CCDC171: variants seen among roughly 807,000 people sequenced by gnomAD.
CCDC171 encodes coiled-coil domain-containing protein 171.
In CCDC171, 177 loss-of-function variants were observed where a neutral mutation model predicts 168.2. The ratio of observed to expected loss-of-function variants is 1.05; its 90% CI spans 0.93 to 1.19. The LOEUF (loss-of-function observed/expected upper bound fraction) is 1.19, where lower values mean the gene tolerates loss of function less well. CCDC171 is among the 50% of genes most tolerant of loss of function. CCDC171 has a pLI of 0.00. For missense variants in CCDC171, 1,991 were observed against 1,539.0 expected (o/e 1.29, Z -4.91); for synonymous variants, 687 against 540.8 (o/e 1.27, Z -3.75).
At chr9:16,051,318 T>C (rs1358106048) in intron 1 of CCDC171, among the ~76,000 whole-genome samples, 1 of 152,186 alleles carries the variant, frequency 6.6e-6, no homozygotes, top group Non-Finnish European at 1.5e-5. Context: ...AAACAGTGTC[T>C]GGACAATGTG....
chr9:15,560,677 C>T (rs1423616050), intron 1 of CCDC171, among the ~76,000 whole-genome samples: 1 of 152,118 alleles, frequency 6.6e-6, no homozygotes, highest in Admixed American at 6.5e-5. Context: ...TTTGAACATC[C>T]TCCTTTAGCT....
At chr9:16,014,503 G>A (rs1037684536) in intron 3 of CCDC171, among the ~76,000 whole-genome samples, 1 of 152,120 alleles carries the variant, frequency 6.6e-6, no homozygotes, top group African/African-American at 2.4e-5. Flanking sequence ...ATCTACAATG[G>A]TGAATCCTTT....
At chr9:15,731,560 G>A (rs1297657638) in intron 16 of CCDC171, among the ~76,000 whole-genome samples, 1 of 152,048 alleles carries the variant, frequency 6.6e-6, no homozygotes, top group Non-Finnish European at 1.5e-5. Context: ...ATGGTCACTA[G>A]CGTTCCATTT....
intron 21 of CCDC171, among the ~76,000 whole-genome samples, chr9:15,824,542 C>G (rs1441337514): frequency 1.1e-4 from 16 of 151,992 alleles, no homozygotes; most frequent in African/African-American, 3.1e-4. Context: ...CACATGATCT[C>G]CTGGTCTGAA....
intron 24 of CCDC171, among the ~76,000 whole-genome samples, chr9:15,897,722 G>A (rs1335134761): frequency 6.6e-6 from 1 of 152,088 alleles, no homozygotes; most frequent in African/African-American, 2.4e-5. Context: ...AGAGAATATG[G>A]ATTCAATTGT....
chr9:15,759,976 A>G (rs1167562293), intron 18 of CCDC171, among the ~76,000 whole-genome samples: 1 of 152,162 alleles, frequency 6.6e-6, no homozygotes, highest in Non-Finnish European at 1.5e-5. Context: ...TTAAATTATG[A>G]GCAGTATCTT....
At chr9:15,939,064 G>T (rs538428949) in intron 25 of CCDC171, among the ~76,000 whole-genome samples, 2 of 150,382 alleles carry the variant, frequency 1.3e-5, no homozygotes, top group South Asian at 4.2e-4. Context: ...CACCCTAGCT[G>T]GTTTTGCCTC....
chr9:15,564,690 G>T (rs2039585801), intron 2 of CCDC171, among the ~76,000 whole-genome samples: 1 of 152,196 alleles, frequency 6.6e-6, no homozygotes, highest in Non-Finnish European at 1.5e-5. Context: ...CCTTTGGTGG[G>T]TGGAGTCTAT....
intron 9 of CCDC171, among the ~76,000 whole-genome samples, chr9:15,676,478 C>A (rs893983361): frequency 3.3e-5 from 5 of 151,976 alleles, no homozygotes; most frequent in African/African-American, 1.2e-4. Context: ...CTGCGTTGAT[C>A]TCTGTGGGAG....
At chr9:15,600,042 C>T (rs147868302) in intron 6 of CCDC171, among the ~76,000 whole-genome samples, 40 of 152,244 alleles carry the variant, frequency 2.6e-4, no homozygotes, top group Admixed American at 1.2e-3. Context: ...TCTAGTTAGC[C>T]ATTCGTCTAA....
chr9:16,070,642 G>C, the CCDC171 span, among the ~76,000 whole-genome samples: 1 of 152,206 alleles, frequency 6.6e-6, no homozygotes, highest in Non-Finnish European at 1.5e-5. Flanking sequence ...AACTAAGGCA[G>C]GAGCAAGAAA....
rs144676393 is a variant in CCDC171 at position 15,623,463 on chromosome 9, A to ACG, written c.822+50_822+51insCG. ...TATATATGCGTACAAACTTTCACAT[A>ACG]TGCGCGCGCGCGCACACACACACAC... On this transcript the variant is annotated intron_variant, in intron 7 of 25. Coordinates refer to ENST00000380701, the MANE Select transcript of CCDC171 (RefSeq NM_173550.4). The ACG allele has an allele frequency of 5.8e-3, 3,656 of 635,662 alleles. 541 individuals are homozygous for ACG. Among genetic ancestry groups the ACG allele is most frequent in the African/African-American group, 0.024 (1,178 of 49,464 alleles). 39.4% of individuals were successfully genotyped at this position (635,662 alleles called of 1,614,324 possible).
chr9:16,017,521 G>C (rs899337829), intron 3 of CCDC171, among the ~76,000 whole-genome samples: 2 of 152,038 alleles, frequency 1.3e-5, no homozygotes, highest in Non-Finnish European at 1.5e-5. Context: ...ATTCTAAGAA[G>C]AAGGATTTTT....
chr9:15,742,543 G>A (rs763399264), intron 16 of CCDC171, among the ~76,000 whole-genome samples: 6 of 152,262 alleles, frequency 3.9e-5, no homozygotes, highest in Non-Finnish European at 8.8e-5. Flanking sequence ...ACATCCTCTT[G>A]CAAGCAGTCT....
intron 24 of CCDC171, among the ~76,000 whole-genome samples, chr9:15,905,348 A>T (rs1204795831): frequency 2.0e-5 from 3 of 152,258 alleles, no homozygotes; most frequent in African/African-American, 4.8e-5. Context: ...CAATCAAACT[A>T]GAACTCGGGA....
chr9:15,782,443 G>A (rs146203703), intron 20 of CCDC171, among the ~76,000 whole-genome samples: 55 of 152,302 alleles, frequency 3.6e-4, no homozygotes, highest in African/African-American at 1.3e-3. Flanking sequence ...CTCTGGGACG[G>A]ATGGATGGAC....
At chr9:15,961,855 C>A (rs3008753) in intron 25 of CCDC171, among the ~76,000 whole-genome samples, 78,580 of 151,684 alleles carry the variant, frequency 0.52, 21,672 homozygotes, top group African/African-American at 0.72. Context: ...GAGAAAAAAA[C>A]CCCAACAATT....
At chr9:16,075,289 C>T in the CCDC171 span, among the ~76,000 whole-genome samples, 1 of 152,086 alleles carries the variant, frequency 6.6e-6, no homozygotes, top group Non-Finnish European at 1.5e-5. Context: ...TATGGTGTTC[C>T]TGGTGTCAAC....
intron 6 of CCDC171, among the ~76,000 whole-genome samples, chr9:15,601,207 C>G (rs1161973927): frequency 1.3e-5 from 2 of 152,198 alleles, no homozygotes; most frequent in African/African-American, 4.8e-5. Context: ...ATGCAGAAAT[C>G]ATTCGTCTTT....
Sources: gnomAD v4.1 joint callset for allele counts (sites outside exome capture counted in the v4.1 genomes callset) on GRCh38, gnomAD v4.1.1 for gene constraint, MANE v1.5 for transcripts, NCBI Gene and HGNC (gene_info 2026-07-23, HGNC 2026-07-21) for gene names.